ADGRE1: variants seen among roughly 807,000 people sequenced by gnomAD.
ADGRE1 encodes EGF-like module receptor 1.
A neutral mutation model predicts 102.7 loss-of-function variants in ADGRE1; 82 were observed. The observed-to-expected ratio is 0.80, with a 90% CI of 0.67 to 0.96. ADGRE1 has a LOEUF of 0.96. Among genes scored for constraint, ADGRE1 ranks in the 40% least tolerant of loss-of-function variants. The pLI, the probability that ADGRE1 is intolerant of heterozygous loss-of-function variation, is 0.00. For missense variants in ADGRE1, 1,032 were observed against 1,085.3 expected, an observed-to-expected ratio of 0.95 and a Z score of 0.69; for synonymous variants, 398 against 399.6, an observed-to-expected ratio of 1.00 and a Z score of 0.05.
intron 5 of ADGRE1, chr19:6,898,633 T>C: frequency 7.0e-7 from 1 of 1,430,532 alleles, no homozygotes; most frequent in South Asian, 1.2e-5. Flanking sequence ...GCATTCTGAC[T>C]GTGTCAACTC....
At chr19:6,914,567 C>G (rs774588165) in intron 11 of ADGRE1, among the ~76,000 whole-genome samples, 2 of 152,290 alleles carry the variant, frequency 1.3e-5, no homozygotes, top group East Asian at 3.9e-4. Context: ...CATAAACCTA[C>G]GAAGTTCCTA....
rs186934902 is a variant in ADGRE1, at chr19:6,923,248, G to A, written c.1791+1365G>A. Among the ~76,000 whole-genome samples, 173 of 152,252 alleles carry A rather than the reference G, an allele frequency of 1.1e-3. 2 individuals are homozygous for A. In the Middle Eastern group the frequency reaches 0.058, roughly 51 times the overall value. ...GTCTTGTCTCTACCACTTTCTAGCT[G>A]TGTTTTCTTGGAAAAGTCACTTAAC... On this transcript the variant is annotated intron_variant, in intron 14 of 20. Transcript: ENST00000312053.
chr19:6,921,689 T>G, intron 13 of ADGRE1, 24 bp from the exon 14 acceptor site: 1 of 1,546,924 alleles, frequency 6.5e-7, no homozygotes. Context: ...GACCTTTGTT[T>G]TTTTGTTTTT....
intron 18 of ADGRE1, among the ~76,000 whole-genome samples, chr19:6,935,782 G>A (rs1344748416): frequency 1.3e-5 from 2 of 152,164 alleles, no homozygotes; most frequent in African/African-American, 4.8e-5. Context: ...TTTAGAATGT[G>A]CGTCGTAAAT....
At chr19:6,896,745 G>A (rs952374654) in intron 3 of ADGRE1, 13 of 571,666 alleles carry the variant, frequency 2.3e-5, no homozygotes, top group African/African-American at 2.1e-4. Flanking sequence ...AGCATTGCTA[G>A]CTAGTGTTGC....
At chr19:6,901,512 C>G (rs1973764317) in intron 5 of ADGRE1, among the ~76,000 whole-genome samples, 1 of 152,186 alleles carries the variant, frequency 6.6e-6, no homozygotes, top group Non-Finnish European at 1.5e-5. Context: ...ACAGACTCCA[C>G]CTCTTAATGC....
Position 6,904,127 on chromosome 19 carries a change from A to G in ADGRE1, c.894A>G (p.Ala298=). The G allele has an allele frequency of 2.5e-6, 4 of 1,614,220 alleles. No homozygotes were observed. The highest frequency in any genetic ancestry group is 3.4e-6 in the Non-Finnish European group (4 of 1,180,042). Residue 298 remains alanine (A), a synonymous_variant, in exon 8 of 21, where the codon GCA becomes GCG. Transcript: ENST00000312053. ...ALGSYSCGCI[A]GFHPNPEGSQ... is the part of the protein sequence containing the mutation. ...GCTCCTACAGCTGTGGCTGCATTGCAGGCTTTCATCCCAATCCAGAAGGCT... is the reference window on the plus strand; with the variant it reads ...GCTCCTACAGCTGTGGCTGCATTGCGGGCTTTCATCCCAATCCAGAAGGCT...
intron 1 of ADGRE1, among the ~76,000 whole-genome samples, chr19:6,888,041 GTC>G (rs1440678961): frequency 8.5e-5 from 13 of 152,138 alleles, no homozygotes; most frequent in Admixed American, 2.0e-4. Flanking sequence ...GTATCCAATT[GTC>G]ACAACATTTC....
Position 6,916,336 on chromosome 19 carries a change from G to A in ADGRE1, c.1388G>A (p.Gly463Glu), listed in dbSNP as rs138463649. 104 of 1,613,498 alleles carry A rather than the reference G, an allele frequency of 6.4e-5. No individual in the cohort carries two copies. Among genetic ancestry groups the A allele is most frequent in the Non-Finnish European group, 8.5e-5 (100 of 1,179,738 alleles). The change falls in exon 12 of 21, where the codon GGG becomes GAG. Residue 463 changes from glycine to glutamate, a missense_variant. Transcript: ENST00000312053. The stretch of plus-strand genomic sequence containing the variant: ...GCCAAGGGGGATAAGATGAAGATCG[G>A]GTGTTCCACAATTGAGGAATCTGAA... ...LVAKGDKMKI[G>E]CSTIEESEST...
chr19:6,891,758 G>A (rs1028986380), intron 2 of ADGRE1, among the ~76,000 whole-genome samples: 5 of 152,082 alleles, frequency 3.3e-5, no homozygotes, highest in African/African-American at 1.2e-4. Flanking sequence ...CCCTTTGTAG[G>A]ACTTTTTCAA....
At chr19:6,905,885 T>C (rs2144921496) in intron 8 of ADGRE1, among the ~76,000 whole-genome samples, 1 of 152,300 alleles carries the variant, frequency 6.6e-6, no homozygotes, top group East Asian at 1.9e-4. Flanking sequence ...TCTTCTCCAT[T>C]CTATCTCCTT....
chr19:6,913,130 T>C (rs435041), intron 10 of ADGRE1, among the ~76,000 whole-genome samples: 138,837 of 152,190 alleles, frequency 0.91, 63,702 homozygotes, highest in South Asian at 0.97. Context: ...GATGGGGTCT[T>C]GTTATGTTGT....
At chr19:6,895,881 T>A in intron 2 of ADGRE1, 1 of 152,464 alleles carries the variant, frequency 6.6e-6, no homozygotes, top group East Asian at 1.9e-4. Flanking sequence ...GATTGGTTGC[T>A]GTATCCGTTT....
chr19:6,900,312 A>C (rs1205895502), intron 5 of ADGRE1, among the ~76,000 whole-genome samples: 1 of 55,666 alleles, frequency 1.8e-5, no homozygotes, highest in East Asian at 7.2e-4. Flanking sequence ...CTGTCTCTAC[A>C]AAAAAAAAAA....
chr19:6,893,379 T>C (rs1020441743), intron 2 of ADGRE1, among the ~76,000 whole-genome samples: 2 of 152,064 alleles, frequency 1.3e-5, no homozygotes, highest in Admixed American at 1.3e-4. Context: ...TTTTTATTTT[T>C]AGTAGAGACG....
intron 10 of ADGRE1, among the ~76,000 whole-genome samples, chr19:6,911,895 C>T (rs1974207299): frequency 6.6e-6 from 1 of 151,450 alleles, no homozygotes; most frequent in South Asian, 2.1e-4. Context: ...CACACATACA[C>T]CCCACACACA....
chr19:6,898,319 G>T (rs1973644377), intron 5 of ADGRE1: 1 of 1,597,072 alleles, frequency 6.3e-7, no homozygotes, highest in Admixed American at 1.7e-5. Flanking sequence ...ATTGATGAAT[G>T]TTCTCAAAGC....
At chr19:6,922,982 C>T (rs369123822) in intron 14 of ADGRE1, among the ~76,000 whole-genome samples, 14 of 152,068 alleles carry the variant, frequency 9.2e-5, no homozygotes, top group African/African-American at 2.4e-4. Context: ...GAGGCTGAGG[C>T]GGGAGAATGG....
chr19:6,937,462 C>A (rs746048135), intron 19 of ADGRE1, 51 bp downstream of exon 19: 3 of 1,591,420 alleles, frequency 1.9e-6, no homozygotes, highest in African/African-American at 1.3e-5. Context: ...CCCTCTCCCC[C>A]CTTCCCCACC....
Sources: allele counts gnomAD v4.1 joint callset (sites outside exome capture counted in the v4.1 genomes callset), GRCh38; gene constraint gnomAD v4.1.1; transcripts MANE v1.5; gene names NCBI Gene and HGNC (gene_info 2026-07-23, HGNC 2026-07-21).